The following LRPPRC variants were observed in gnomAD, a reference collection of about 807,000 sequenced individuals.
LRPPRC encodes the protein leucine rich pentatricopeptide repeat containing, also known as leucine-rich PPR motif-containing protein, mitochondrial.
In LRPPRC, 120 loss-of-function variants were observed where a neutral mutation model predicts 180.3. That is an observed-to-expected ratio of 0.67 (90% CI 0.57 to 0.77). The LOEUF (loss-of-function observed/expected upper bound fraction) is 0.77. Ranked by LOEUF, LRPPRC falls within the 30% of genes least tolerant of loss-of-function variation. The probability of loss-of-function intolerance (pLI) is 0.00; values close to 1 mark genes in which losing one functional copy is unlikely to be tolerated. For synonymous variants in LRPPRC, 723 were observed against 600.0 expected (o/e 1.21, Z -3.00); for missense variants, 2,012 against 1,657.2 (o/e 1.21, Z -3.72).
In LRPPRC at chr2:43,899,217, A is replaced by G; in HGVS notation, c.3825+2T>C. ...ACTGCTCCATGAGTGGAGGGTCATT[A>G]CCTGTAGGAGAGCTCTGGCATCATC... On this transcript the variant is annotated splice_donor_variant, in intron 34 of 37. Coordinates refer to ENST00000260665, the MANE Select transcript of LRPPRC (RefSeq NM_133259.4). LOFTEE classifies it high-confidence loss of function. The G allele has an allele frequency of 6.2e-7, 1 of 1,607,650 alleles. No homozygotes were observed.
At chr2:43,931,760 G>C (rs1192823225) in intron 25 of LRPPRC, among the ~76,000 whole-genome samples, 1 of 152,126 alleles carries the variant, frequency 6.6e-6, no homozygotes, top group Non-Finnish European at 1.5e-5. Flanking sequence ...ATCTGATAGA[G>C]AATCTCCTGT....
intron 25 of LRPPRC, among the ~76,000 whole-genome samples, chr2:43,926,572 G>GATT (rs1380207299): frequency 6.6e-6 from 1 of 152,048 alleles, no homozygotes; most frequent in African/African-American, 2.4e-5. Context: ...GCACCATGTT[G>GATT]GCCAGGCTGG....
chr2:43,962,597 G>T (rs1460006949), intron 12 of LRPPRC, among the ~76,000 whole-genome samples: 2 of 152,124 alleles, frequency 1.3e-5, no homozygotes, highest in Non-Finnish European at 2.9e-5. Context: ...AGTGGAAAAC[G>T]CAACCTTTGC....
chr2:43,888,048 C>A lies in LRPPRC; in HGVS notation c.*552G>T. ...CAGGCATGACAGACAGTCCCCTGAC[C>A]AAGCACAAGTAACAGGCCCTTTGGG... On this transcript the variant is annotated 3_prime_UTR_variant, in exon 38 of 38. Coordinates refer to ENST00000260665, the MANE Select transcript of LRPPRC (RefSeq NM_133259.4). 6.4e-6 allele frequency: 1 copy of A among 156,546 alleles called. No homozygotes were observed. Among genetic ancestry groups the A allele is most frequent in the Non-Finnish European group, 1.4e-5 (1 of 70,908 alleles). 9.7% of individuals were successfully genotyped at this position (156,546 alleles called of 1,614,324 possible).
chr2:43,934,917 G>A (rs989730768), intron 23 of LRPPRC, 39 bp from the exon 24 acceptor site: 8 of 1,580,094 alleles, frequency 5.1e-6, no homozygotes, highest in South Asian at 1.1e-5. Context: ...AAAATAAATC[G>A]AATTCAGCTT....
At chr2:43,891,286 A>T (rs1166241510) in intron 36 of LRPPRC, among the ~76,000 whole-genome samples, 2 of 152,220 alleles carry the variant, frequency 1.3e-5, no homozygotes, top group Non-Finnish European at 2.9e-5. Flanking sequence ...TAGTAGTAAC[A>T]CACACAGATT....
chr2:43,888,671 A>T lies in LRPPRC; in HGVS notation c.4129-15T>A. 1 of 1,509,548 alleles carries T rather than the reference A, an allele frequency of 6.6e-7. No individual in the cohort carries two copies. Among genetic ancestry groups the T allele is most frequent in the African/African-American group, 1.4e-5 (1 of 73,086 alleles). The allele number at this position is 1,509,548 out of a possible 1,614,324, so 93.5% of individuals were successfully genotyped here. A position where few individuals can be genotyped will look rare whatever the true frequency, so the allele number is the denominator to read the frequency against. ...TCAAAGCTTTCCTGTTAAGGAGAAA[A>T]AAAGAGGGAAGTTAGAGATACCAGC... On this transcript the variant is annotated splice_polypyrimidine_tract_variant and intron_variant, in intron 37 of 37. Transcript: ENST00000260665.
Position 43,909,657 on chromosome 2 carries a change from T to C in LRPPRC, c.3275+2775A>G, listed in dbSNP as rs113055293. On this transcript the variant is annotated intron_variant, in intron 30 of 37. Transcript: ENST00000260665. Reference sequence around the variant, plus strand: ...ATAATAATAATAATAATATTGAGGGTGGGAAAAAACTCTGGAAGGGGAAGG... The same window carrying C: ...ATAATAATAATAATAATATTGAGGGCGGGAAAAAACTCTGGAAGGGGAAGG... 7.1e-3 allele frequency among the ~76,000 whole-genome samples: 1,067 copies of C among 149,768 alleles called. 12 individuals are homozygous for C. Among genetic ancestry groups the C allele is most frequent in the Admixed American group, 0.017 (259 of 15,000 alleles).
chr2:43,931,408 A>T (rs1672083141), intron 25 of LRPPRC, among the ~76,000 whole-genome samples: 2 of 152,188 alleles, frequency 1.3e-5, no homozygotes, highest in South Asian at 4.1e-4. Flanking sequence ...AATGTCTGAT[A>T]ATGTACCAGA....
intron 35 of LRPPRC, 148 bp downstream of exon 35, chr2:43,896,486 C>T: frequency 3.2e-6 from 2 of 632,204 alleles, no homozygotes; most frequent in South Asian, 3.6e-5. Context: ...GACGACAAAA[C>T]TGACTCTAAG....
At chr2:43,934,168 A>G (rs749138111) in intron 25 of LRPPRC, 22 bp downstream of exon 25, 10 of 1,312,074 alleles carry the variant, frequency 7.6e-6, no homozygotes, top group Non-Finnish European at 1.1e-6. Context: ...CTACAATTAG[A>G]ACACTGTAGT....
intron 29 of LRPPRC, among the ~76,000 whole-genome samples, chr2:43,914,559 C>A (rs1671372776): frequency 6.6e-6 from 1 of 151,818 alleles, no homozygotes; most frequent in South Asian, 2.1e-4. Flanking sequence ...GAAACGCGGT[C>A]TATACCAAAA....
chr2:43,889,933 T>G, intron 36 of LRPPRC, 57 bp from the exon 37 acceptor site: 1 of 1,363,404 alleles, frequency 7.3e-7, no homozygotes, highest in East Asian at 2.3e-5. Flanking sequence ...TCTTACTCTT[T>G]TCACCAAAAC....
At chr2:43,983,332 A>G (rs1674392908) in intron 1 of LRPPRC, among the ~76,000 whole-genome samples, 1 of 110,830 alleles carries the variant, frequency 9.0e-6, no homozygotes, top group Non-Finnish European at 2.3e-5. Context: ...TACAGAGACT[A>G]GGAAAAAAAA....
chr2:43,974,337 A>C, intron 8 of LRPPRC, 42 bp from the exon 9 acceptor site: 1 of 1,469,280 alleles, frequency 6.8e-7, no homozygotes, highest in Middle Eastern at 1.7e-4. Flanking sequence ...TAAACTGAAC[A>C]ATATTTTTAC....
intron 22 of LRPPRC, among the ~76,000 whole-genome samples, chr2:43,945,049 A>G (rs1384888629): frequency 1.3e-5 from 2 of 152,138 alleles, no homozygotes; most frequent in Non-Finnish European, 2.9e-5. Context: ...AAATTGTGCC[A>G]TAAGTCATGA....
At chr2:43,938,097 T>TAA (rs1165561864) in intron 23 of LRPPRC, among the ~76,000 whole-genome samples, 2 of 152,058 alleles carry the variant, frequency 1.3e-5, no homozygotes, top group Non-Finnish European at 2.9e-5. Context: ...TACAAATATT[T>TAA]AAAGGCTCAC....
chr2:43,980,629 T>A (rs2103738935), intron 2 of LRPPRC, among the ~76,000 whole-genome samples: 1 of 151,050 alleles, frequency 6.6e-6, no homozygotes, highest in African/African-American at 2.4e-5. Flanking sequence ...AGCAGTGTAA[T>A]TAACATCTAT....
At chr2:43,988,645 T>C (rs1232158803) in intron 1 of LRPPRC, among the ~76,000 whole-genome samples, 1 of 152,052 alleles carries the variant, frequency 6.6e-6, no homozygotes, top group African/African-American at 2.4e-5. Flanking sequence ...TGAGATGGAG[T>C]CTCGCTCTGT....
Sources: allele counts gnomAD v4.1 joint callset (sites outside exome capture counted in the v4.1 genomes callset), GRCh38; gene constraint gnomAD v4.1.1; transcripts MANE v1.5; gene names NCBI Gene and HGNC (gene_info 2026-07-23, HGNC 2026-07-21).